Variants in PHKA1 observed in about 807,000 individuals in gnomAD.
PHKA1 encodes phosphorylase kinase regulatory subunit alpha 1.
PHKA1 carries 60 observed loss-of-function variants against 110.2 expected under a neutral mutation model. That is an observed-to-expected ratio of 0.54 (90% CI 0.44 to 0.68). The LOEUF is 0.68. Ranked by LOEUF, PHKA1 falls within the 30% of genes least tolerant of loss-of-function variation. The pLI is 0.00. For synonymous variants in PHKA1, 316 were observed against 333.6 expected (o/e 0.95, Z 0.58); for missense variants, 801 against 942.5 (o/e 0.85, Z 1.97).
At chrX:72,612,235 A>G (rs1556261987) in intron 21 of PHKA1, among the ~76,000 whole-genome samples, 1 of 112,038 alleles carries the variant, frequency 8.9e-6, no homozygotes, top group East Asian at 2.8e-4. Context: ...AGGACCACAT[A>G]TTGCAAGACT....
intron 25 of PHKA1, among the ~76,000 whole-genome samples, chrX:72,604,763 C>T (rs1246280916): frequency 1.8e-5 from 2 of 111,805 alleles, no homozygotes; most frequent in African/African-American, 6.5e-5. Context: ...AACTATTCTT[C>T]TAACTAAAAC....
At chrX:72,679,845 G>T (rs1406618530) in intron 5 of PHKA1, among the ~76,000 whole-genome samples, 2 of 110,272 alleles carry the variant, frequency 1.8e-5, no homozygotes, top group Admixed American at 1.9e-4. Context: ...CTCGAAGGAA[G>T]GGGGGGAACA....
intron 28 of PHKA1, among the ~76,000 whole-genome samples, chrX:72,594,662 C>T (rs1872285452): frequency 8.9e-6 from 1 of 112,386 alleles, no homozygotes. Context: ...GGGTTCTTGG[C>T]TCGTGGTGCA....
intron 8 of PHKA1, among the ~76,000 whole-genome samples, chrX:72,664,589 C>T (rs900135225): frequency 3.6e-5 from 4 of 111,474 alleles, no homozygotes; most frequent in Non-Finnish European, 5.7e-5. Context: ...ACCTAACAGA[C>T]ATTTACAGGG....
At chrX:72,682,330 A>T (rs1479859787) in intron 5 of PHKA1, among the ~76,000 whole-genome samples, 1 of 97,238 alleles carries the variant, frequency 1.0e-5, no homozygotes, top group Admixed American at 1.1e-4. Flanking sequence ...CCCGTCCGGG[A>T]GGGAGGTGGG....
chrX:72,591,571 G>GA lies in PHKA1; in HGVS notation c.3243+1532dup, dbSNP rs200082797. Among the ~76,000 whole-genome samples the GA allele has an allele frequency of 3.3e-3, 358 of 108,067 alleles. 1 individual carries two copies. Among genetic ancestry groups the GA allele is most frequent in the African/African-American group, 0.011 (341 of 29,848 alleles). 93.8% of individuals were successfully genotyped at this position (108,067 alleles called of 115,157 possible). A position where few individuals can be genotyped will look rare whatever the true frequency, so the allele number is the denominator to read the frequency against. On this transcript the variant is annotated intron_variant, in intron 29 of 31. Transcript: ENST00000373542. ...AACTTAAAGTATAATTAAAAAAAAA[G>GA]AAAAAAAAACCTTTACAGAATTTAA...
At chrX:72,628,626 G>C (rs985328870) in intron 16 of PHKA1, among the ~76,000 whole-genome samples, 5 of 101,149 alleles carry the variant, frequency 4.9e-5, no homozygotes, top group Admixed American at 1.1e-4. Flanking sequence ...GTCTGCCTCT[G>C]TCATGCAGGC....
chrX:72,626,884 A>G (rs782002242), intron 17 of PHKA1, 87 bp downstream of exon 17: 1 of 725,078 alleles, frequency 1.4e-6, no homozygotes, highest in South Asian at 2.1e-5. Flanking sequence ...ACTATCATAC[A>G]CAGAAAGGCA....
chrX:72,591,667 A>G (rs1350130458), intron 29 of PHKA1, among the ~76,000 whole-genome samples: 11 of 112,303 alleles, frequency 9.8e-5, no homozygotes, highest in African/African-American at 3.6e-4. Flanking sequence ...AGTCATTTAT[A>G]GAACTGGCTA....
intron 3 of PHKA1, among the ~76,000 whole-genome samples, chrX:72,703,573 C>T (rs1234196464): frequency 2.7e-5 from 3 of 110,277 alleles, no homozygotes; most frequent in African/African-American, 6.6e-5. Flanking sequence ...CCCAGTGATG[C>T]GGGAGGCTGA....
intron 6 of PHKA1, among the ~76,000 whole-genome samples, chrX:72,671,239 C>T (rs2053692041): frequency 8.9e-6 from 1 of 111,839 alleles, no homozygotes; most frequent in African/African-American, 3.3e-5. Context: ...TCAGCAAAGT[C>T]TCAGGATAGA....
rs2053002847 is a variant in PHKA1, at chrX:72,623,089, G to A, written c.1960+20C>T. 22 of 1,210,027 alleles carry A rather than the reference G, an allele frequency of 1.8e-5. No individual in the cohort carries two copies. The highest frequency in any genetic ancestry group is 2.2e-5 in the Non-Finnish European group (20 of 894,043). On this transcript the variant is annotated intron_variant, in intron 18 of 31. Transcript: ENST00000373542. Reference sequence around the variant, plus strand: ...TGTAGTTTTGTCCAGCCAGGCCAGTGCTTTATGAAGCCTCCTTACCATGAC... The same window carrying A: ...TGTAGTTTTGTCCAGCCAGGCCAGTACTTTATGAAGCCTCCTTACCATGAC...
At chrX:72,682,347 A>G (rs1373583638) in intron 5 of PHKA1, among the ~76,000 whole-genome samples, 13 of 87,589 alleles carry the variant, frequency 1.5e-4, no homozygotes, top group East Asian at 4.0e-4. Context: ...TGGGGGGGTC[A>G]GCCCCCTGCC....
At chrX:72,593,003 T>A in intron 29 of PHKA1, 101 bp downstream of exon 29, 2 of 572,417 alleles carry the variant, frequency 3.5e-6, no homozygotes, top group East Asian at 6.6e-5. Flanking sequence ...TTATGACTTT[T>A]ACATAATTGC....
intron 6 of PHKA1, among the ~76,000 whole-genome samples, chrX:72,674,665 A>T (rs2053754456): frequency 9.0e-6 from 1 of 111,706 alleles, no homozygotes; most frequent in African/African-American, 3.3e-5. Context: ...CCCTTAACCT[A>T]AGGGTTCCAC....
Position 72,714,015 on chromosome X carries a change from C to G in PHKA1, c.-135G>C. ...GAACACCAGGCCCCGCAGAGCCCTC[C>G]CACCGCTCAGGCCTGGCGCCGCGGA... On this transcript the variant is annotated 5_prime_UTR_variant, in exon 1 of 32. Coordinates refer to ENST00000373542, the MANE Select transcript of PHKA1 (RefSeq NM_002637.4). 2 of 552,155 alleles carry G rather than the reference C, an allele frequency of 3.6e-6. No individual in the cohort carries two copies. Among genetic ancestry groups the G allele is most frequent in the East Asian group, 7.3e-5 (2 of 27,522 alleles). 45.5% of individuals were successfully genotyped at this position (552,155 alleles called of 1,213,427 possible). A position where few individuals can be genotyped will look rare whatever the true frequency, so the allele number is the denominator to read the frequency against.
chrX:72,600,854 A>T (rs1351233201), intron 28 of PHKA1, among the ~76,000 whole-genome samples: 1 of 111,356 alleles, frequency 9.0e-6, no homozygotes, highest in Non-Finnish European at 1.9e-5. Context: ...CTAAAAAGCT[A>T]AAAAAAAGAA....
At chrX:72,634,597 C>T (rs1425821164) in intron 16 of PHKA1, among the ~76,000 whole-genome samples, 2 of 108,917 alleles carry the variant, frequency 1.8e-5, no homozygotes, top group Non-Finnish European at 3.8e-5. Context: ...AAACGTAAGC[C>T]AAAAGCCTTT....
intron 3 of PHKA1, among the ~76,000 whole-genome samples, chrX:72,696,179 T>C (rs2054108112): frequency 2.7e-5 from 3 of 112,175 alleles, no homozygotes; most frequent in Non-Finnish European, 5.6e-5. Flanking sequence ...CACTGCACAT[T>C]GTAGATAAAC....
Sources: allele counts gnomAD v4.1 joint callset (sites outside exome capture counted in the v4.1 genomes callset), GRCh38; gene constraint gnomAD v4.1.1; transcripts MANE v1.5; gene names NCBI Gene and HGNC (gene_info 2026-07-23, HGNC 2026-07-21).